The following USP54 variants were observed in gnomAD, a reference collection of about 807,000 sequenced individuals.
The protein encoded by USP54 is ubiquitin specific peptidase 54.
A neutral mutation model predicts 170.5 loss-of-function variants in USP54; 87 were observed. The ratio of observed to expected loss-of-function variants is 0.51; its 90% CI spans 0.43 to 0.61. The LOEUF is 0.61. USP54 is among the 20% of genes least tolerant of loss of function. USP54 has a pLI of 0.00. For synonymous variants in USP54, 655 were observed against 742.8 expected (o/e 0.88, Z 1.92); for missense variants, 1,786 against 2,047.8 (o/e 0.87, Z 2.47).
chr10:73,500,514 C>T (rs187778902), intron 23 of USP54, 141 bp downstream of exon 23: 22 of 765,470 alleles, frequency 2.9e-5, no homozygotes, highest in African/African-American at 1.5e-4. Context: ...GATAAATGCA[C>T]GACTTTGAAG....
intron 1 of USP54, among the ~76,000 whole-genome samples, chr10:73,621,965 C>T (rs1407780198): frequency 6.6e-6 from 1 of 152,152 alleles, no homozygotes; most frequent in Non-Finnish European, 1.5e-5. Context: ...CCTTCCAAGT[C>T]CCACCCAGAA....
chr10:73,537,113 A>C (rs1037698257), intron 10 of USP54, among the ~76,000 whole-genome samples: 1 of 152,190 alleles, frequency 6.6e-6, no homozygotes, highest in African/African-American at 2.4e-5. Context: ...CATTTCTTAG[A>C]TAATGTGCTG....
chr10:73,502,047 T>G (rs1350370782), intron 22 of USP54, among the ~76,000 whole-genome samples: 1 of 152,190 alleles, frequency 6.6e-6, no homozygotes, highest in Non-Finnish European at 1.5e-5. Flanking sequence ...CCCTATTTCT[T>G]TTTACTTCTG....
At chr10:73,557,878 C>CTTTTTTTT (rs765656681) in intron 4 of USP54, among the ~76,000 whole-genome samples, 30 of 114,978 alleles carry the variant, frequency 2.6e-4, no homozygotes, top group East Asian at 5.9e-4. Flanking sequence ...AGCTATTATT[C>CTTTTTTTT]TTTTTTTTTT....
At chr10:73,547,830 T>TC (rs1481450136) in intron 4 of USP54, among the ~76,000 whole-genome samples, 2 of 152,134 alleles carry the variant, frequency 1.3e-5, no homozygotes, top group Non-Finnish European at 2.9e-5. Context: ...GGCAAGGACT[T>TC]CATGACTAAA....
intron 4 of USP54, among the ~76,000 whole-genome samples, chr10:73,556,340 T>C (rs930448901): frequency 4.0e-5 from 6 of 150,868 alleles, no homozygotes; most frequent in Non-Finnish European, 8.8e-5. Context: ...AATTTCTTTT[T>C]TTTTCTTTTT....
intron 1 of USP54, among the ~76,000 whole-genome samples, chr10:73,612,314 T>G (rs2080215460): frequency 6.6e-6 from 1 of 152,146 alleles, no homozygotes; most frequent in African/African-American, 2.4e-5. Flanking sequence ...ACCAGAATTT[T>G]ATAGTCAAAT....
intron 1 of USP54, among the ~76,000 whole-genome samples, chr10:73,607,332 A>AG (rs2079737027): frequency 6.1e-5 from 5 of 82,096 alleles, no homozygotes; most frequent in African/African-American, 2.1e-4. Context: ...AAAAAAAAAA[A>AG]AAAAGAAAAA....
chr10:73,529,464 C>T, intron 15 of USP54: 1 of 606,014 alleles, frequency 1.7e-6, no homozygotes. Flanking sequence ...TTATTTTATA[C>T]ATGATAACTG....
intron 1 of USP54, among the ~76,000 whole-genome samples, chr10:73,624,910 C>G (rs1268722665): frequency 1.3e-5 from 2 of 152,138 alleles, no homozygotes; most frequent in African/African-American, 4.8e-5. Context: ...TTAGGAACAC[C>G]AGGTTTTACA....
chr10:73,499,696 C>A (rs866536836), intron 23 of USP54: 3 of 152,968 alleles, frequency 2.0e-5, no homozygotes, highest in Non-Finnish European at 4.4e-5. Context: ...AGGTGTGAGA[C>A]GCTGTGCCTT....
chr10:73,505,321 A>G lies in USP54; in HGVS notation c.4157T>C (p.Val1386Ala). 2 of 1,613,834 alleles carry G rather than the reference A, an allele frequency of 1.2e-6. No individual in the cohort carries two copies. The highest frequency in any genetic ancestry group is 1.1e-5 in the South Asian group (1 of 91,060). ...MEHGLHEART[V>A]RTSQATPCRG... ...TGAGGCTGCTACCTGAGAAGTACGCACTGTTCTGGCTTCATGGAGACCATG... is the reference window on the plus strand; with the variant it reads ...TGAGGCTGCTACCTGAGAAGTACGCGCTGTTCTGGCTTCATGGAGACCATG... The change falls in exon 21 of 24, where the codon GTG becomes GCG. Residue 1386 changes from valine to alanine, a missense_variant. This residue lies in a region of USP54 where 1,418 missense variants were observed against 1,569.0 expected (regional missense o/e 0.90). Coordinates refer to ENST00000687698, the MANE Select transcript of USP54 (RefSeq NM_001391956.1).
At chr10:73,618,202 C>T (rs976664460) in intron 1 of USP54, among the ~76,000 whole-genome samples, 2 of 150,234 alleles carry the variant, frequency 1.3e-5, no homozygotes, top group Non-Finnish European at 1.5e-5. Flanking sequence ...CACAGCAAGA[C>T]TCCATCTCAA....
At chr10:73,556,927 A>T (rs1163944020) in intron 4 of USP54, among the ~76,000 whole-genome samples, 1 of 152,192 alleles carries the variant, frequency 6.6e-6, no homozygotes, top group Non-Finnish European at 1.5e-5. Context: ...GCCTTATACT[A>T]GCATTCTTAA....
In USP54 at chr10:73,504,902, CT is replaced by C; in HGVS notation, c.4258del (p.Ser1420ValfsTer23). On this transcript the variant is annotated frameshift_variant, in exon 22 of 24. Coordinates refer to ENST00000687698, the MANE Select transcript of USP54 (RefSeq NM_001391956.1). LOFTEE classifies it high-confidence loss of function. Reference sequence around the variant, plus strand: ...CTCCCTCTCTGAGACAACGGTGCCACTGAGACTGCGTGAGATGCGACGTAAA... The same window carrying C: ...CTCCCTCTCTGAGACAACGGTGCCACGAGACTGCGTGAGATGCGACGTAAA... ...ENLRRISRSL[S>X]GTVVSEREEA... 1 of 1,614,164 alleles carries C rather than the reference CT, an allele frequency of 6.2e-7. No individual in the cohort carries two copies. The highest frequency in any genetic ancestry group is 1.1e-5 in the South Asian group (1 of 91,078).
intron 4 of USP54, among the ~76,000 whole-genome samples, chr10:73,548,219 A>T (rs940144466): frequency 3.9e-5 from 6 of 152,210 alleles, no homozygotes; most frequent in African/African-American, 1.4e-4. Flanking sequence ...ATCATTAAAA[A>T]GTCAGGAAAC....
At chr10:73,619,454 C>G (rs2080910808) in intron 1 of USP54, among the ~76,000 whole-genome samples, 1 of 147,446 alleles carries the variant, frequency 6.8e-6, no homozygotes, top group Admixed American at 6.7e-5. Flanking sequence ...CCAGGATGGT[C>G]TTGAACTTGT....
chr10:73,529,927 G>A lies in USP54; in HGVS notation c.1829-16C>T. Reference sequence around the variant, plus strand: ...AATTCTTTAGCTATCCCAATCAAAAGACAGGTATGGAAAATGAGGTAGATT... The same window carrying A: ...AATTCTTTAGCTATCCCAATCAAAAAACAGGTATGGAAAATGAGGTAGATT... On this transcript the variant is annotated splice_polypyrimidine_tract_variant and intron_variant, in intron 14 of 23. Transcript: ENST00000687698. 1 of 1,519,814 alleles carries A rather than the reference G, an allele frequency of 6.6e-7. No individual in the cohort carries two copies. The highest frequency in any genetic ancestry group is 8.8e-7 in the Non-Finnish European group (1 of 1,136,166). 94.1% of individuals were successfully genotyped at this position (1,519,814 alleles called of 1,614,324 possible). A position where few individuals can be genotyped will look rare whatever the true frequency, so the allele number is the denominator to read the frequency against.
chr10:73,539,594 C>T lies in USP54; in HGVS notation c.826-1G>A. 6.3e-7 allele frequency: 1 copy of T among 1,587,614 alleles called. No homozygotes were observed. Among genetic ancestry groups the T allele is most frequent in the Non-Finnish European group, 8.6e-7 (1 of 1,163,278 alleles). ...GGTCATCCGTCACTCTGAAAAACAG[C>T]TGAGGGGAAAGAAGAGAAAAGAAAG... On this transcript the variant is annotated splice_acceptor_variant, in intron 9 of 23. Transcript: ENST00000687698. LOFTEE classifies it high-confidence loss of function.
Sources: gnomAD v4.1 joint callset for allele counts (sites outside exome capture counted in the v4.1 genomes callset) on GRCh38, gnomAD v4.1.1 for gene constraint, gnomAD v4.1.1 regional missense constraint, MANE v1.5 for transcripts, NCBI Gene and HGNC (gene_info 2026-07-23, HGNC 2026-07-21) for gene names.